C12orf42: variants seen among roughly 807,000 people sequenced by gnomAD.
C12orf42 encodes chromosome 12 open reading frame 42.
In C12orf42, 25 loss-of-function variants were observed where a neutral mutation model predicts 21.6. The observed-to-expected ratio is 1.16, with a 90% CI of 0.84 to 1.62. The LOEUF is 1.62. C12orf42 is among the 40% of genes most tolerant of loss of function. C12orf42 has a pLI of 0.00. For missense variants in C12orf42, 483 were observed against 459.3 expected (o/e 1.05, Z -0.47); for synonymous variants, 174 against 175.0 (o/e 0.99, Z 0.05).
chr12:103,228,233 T>C, the C12orf42 span, among the ~76,000 whole-genome samples: 13 of 151,978 alleles, frequency 8.6e-5, no homozygotes, highest in African/African-American at 2.2e-4. Flanking sequence ...GGTGGGGCCA[T>C]TTTATAGGAT....
chr12:103,473,748 C>T (rs1370388158), intron 2 of C12orf42, among the ~76,000 whole-genome samples: 1 of 152,102 alleles, frequency 6.6e-6, no homozygotes. Context: ...ACTCCCAATC[C>T]CTGTATTATA....
At position 103,286,925 on chromosome 12, in the gene C12orf42, G is replaced by A. The variant is rs555790323; in HGVS notation, n.338-9715C>T. 2.3e-4 allele frequency among the ~76,000 whole-genome samples: 32 copies of A among 140,688 alleles called. No individual in the cohort carries two copies. In the South Asian group the frequency reaches 7.0e-3, roughly 31 times the overall value. 92.3% of individuals were successfully genotyped at this position (140,688 alleles called of 152,430 possible). A position where few individuals can be genotyped will look rare whatever the true frequency, so the allele number is the denominator to read the frequency against. ...TCTGCACTCCAGCCTGGGCGACAGA[G>A]CGAGACTCCGTCTCAAAAAAAAAAA... On this transcript the variant is annotated intron_variant and non_coding_transcript_variant, in intron 4 of 6. Transcript: ENST00000546526.
chr12:103,131,197 G>T, the C12orf42 span, among the ~76,000 whole-genome samples: 1 of 152,164 alleles, frequency 6.6e-6, no homozygotes, highest in Admixed American at 6.5e-5. Context: ...TACAAGAGAA[G>T]ACTAAAATTT....
At chr12:103,153,229 G>T in the C12orf42 span, among the ~76,000 whole-genome samples, 1 of 152,182 alleles carries the variant, frequency 6.6e-6, no homozygotes, top group East Asian at 1.9e-4. Context: ...GCATTTGGAG[G>T]AAAAAATACA....
rs114532520 is a variant in C12orf42, at chr12:103,258,531, T to A, written c.*1366+4795A>T. On this transcript the variant is annotated intron_variant and NMD_transcript_variant, in intron 10 of 10. Coordinates refer to the C12orf42 transcript ENST00000547347. ...TCTTGTTTTTTGATTTATATATATA[T>A]GTTTTAAAAATATATAGAGAAATCA... Among the ~76,000 whole-genome samples, 1,219 of 151,928 alleles carry A rather than the reference T, an allele frequency of 8.0e-3. 20 individuals carry two copies. The highest frequency in any genetic ancestry group is 0.028 in the African/African-American group (1,150 of 41,502).
At chr12:103,286,839 T>C (rs1230412434) in intron 4 of C12orf42, among the ~76,000 whole-genome samples, 1 of 151,920 alleles carries the variant, frequency 6.6e-6, no homozygotes, top group African/African-American at 2.4e-5. Context: ...CAGGAATGTG[T>C]TGGGTACGGT....
chr12:103,318,803 C>G (rs368493295), intron 4 of C12orf42, among the ~76,000 whole-genome samples: 1 of 151,566 alleles, frequency 6.6e-6, no homozygotes, highest in African/African-American at 2.4e-5. Context: ...AAATGAATAA[C>G]CAGGATTTGA....
chr12:103,360,977 T>C (rs1173048052), intron 4 of C12orf42, among the ~76,000 whole-genome samples: 5 of 152,138 alleles, frequency 3.3e-5, no homozygotes, highest in African/African-American at 1.2e-4. Context: ...AGTTTCCAAC[T>C]GCAAGCCTTT....
the C12orf42 span, among the ~76,000 whole-genome samples, chr12:103,066,072 C>T: frequency 6.6e-6 from 1 of 152,122 alleles, no homozygotes; most frequent in Non-Finnish European, 1.5e-5. Flanking sequence ...ACAGCGGAGG[C>T]CTCTAGGATT....
chr12:103,272,554 C>T (rs1052220026), intron 5 of C12orf42, among the ~76,000 whole-genome samples: 17 of 152,036 alleles, frequency 1.1e-4, no homozygotes, highest in African/African-American at 3.9e-4. Context: ...TCATTTAATA[C>T]GTTTTCAAGA....
At chr12:103,373,208 A>T (rs1191577909) in intron 3 of C12orf42, among the ~76,000 whole-genome samples, 1 of 152,150 alleles carries the variant, frequency 6.6e-6, no homozygotes, top group Admixed American at 6.5e-5. Context: ...GTAAATATTG[A>T]TCTTCTTGAT....
the C12orf42 span, among the ~76,000 whole-genome samples, chr12:103,135,481 A>C: frequency 1.9e-4 from 29 of 152,104 alleles, 1 homozygote; most frequent in Non-Finnish European, 3.2e-4. Context: ...AAAAAGAAAA[A>C]GAAAGAGAAA....
chr12:103,435,647 A>G (rs1452820906), intron 2 of C12orf42, among the ~76,000 whole-genome samples: 5 of 152,120 alleles, frequency 3.3e-5, no homozygotes, highest in African/African-American at 1.2e-4. Flanking sequence ...AAGAAAGGGT[A>G]TCAGCAATGG....
chr12:103,122,323 C>T, the C12orf42 span, among the ~76,000 whole-genome samples: 1 of 152,206 alleles, frequency 6.6e-6, no homozygotes, highest in Non-Finnish European at 1.5e-5. Flanking sequence ...AGCTAACAAT[C>T]CTGATGTGCA....
At chr12:103,343,549 C>T (rs1022921491) in intron 4 of C12orf42, among the ~76,000 whole-genome samples, 50 of 152,108 alleles carry the variant, frequency 3.3e-4, no homozygotes, top group South Asian at 1.0e-3. Context: ...GAGGCCGAGG[C>T]GGGCGGATCA....
chr12:103,443,808 T>G (rs1395988595), intron 2 of C12orf42, among the ~76,000 whole-genome samples: 1 of 152,040 alleles, frequency 6.6e-6, no homozygotes, highest in African/African-American at 2.4e-5. Context: ...AGACATAAGC[T>G]TATTTTCTTC....
At chr12:103,314,582 C>A (rs1214550815) in intron 4 of C12orf42, among the ~76,000 whole-genome samples, 2 of 152,134 alleles carry the variant, frequency 1.3e-5, no homozygotes, top group African/African-American at 4.8e-5. Context: ...GGAACTCCAC[C>A]AGTTCCCCAA....
the C12orf42 span, among the ~76,000 whole-genome samples, chr12:103,129,179 G>C: frequency 2.0e-5 from 3 of 152,162 alleles, no homozygotes; most frequent in Non-Finnish European, 4.4e-5. Context: ...CTGAACTGTG[G>C]ACTAGAGGGT....
chr12:103,352,633 A>G (rs984895536), intron 4 of C12orf42, among the ~76,000 whole-genome samples: 2 of 152,154 alleles, frequency 1.3e-5, no homozygotes, highest in African/African-American at 4.8e-5. Flanking sequence ...TAGAGTGGGA[A>G]GATGAATCTA....
Sources: gnomAD v4.1 joint callset for allele counts (sites outside exome capture counted in the v4.1 genomes callset) on GRCh38, gnomAD v4.1.1 for gene constraint, MANE v1.5 for transcripts, NCBI Gene and HGNC (gene_info 2026-07-23, HGNC 2026-07-21) for gene names.